The following STK32B variants were observed in gnomAD, a reference collection of about 807,000 sequenced individuals.
The protein encoded by STK32B is serine/threonine-protein kinase 32B.
STK32B carries 43 observed loss-of-function variants against 52.6 expected under a neutral mutation model. The ratio of observed to expected loss-of-function variants is 0.82; its 90% CI spans 0.64 to 1.05. The LOEUF (loss-of-function observed/expected upper bound fraction) is 1.05. Among genes scored for constraint, STK32B ranks in the 50% least tolerant of loss-of-function variants. The probability of loss-of-function intolerance (pLI) is 0.00; values close to 1 mark genes in which losing one functional copy is unlikely to be tolerated. For missense variants in STK32B, 621 were observed against 534.6 expected (o/e 1.16, Z -1.59); for synonymous variants, 238 against 204.3 (o/e 1.17, Z -1.41).
At position 5,398,119 on chromosome 4, in the gene STK32B, C is replaced by A; in HGVS notation, c.435-88C>A. The A allele has an allele frequency of 6.7e-7, 1 of 1,486,092 alleles. No individual in the cohort carries two copies. The highest frequency in any genetic ancestry group is 9.2e-7 in the Non-Finnish European group (1 of 1,082,038). 92.1% of individuals were successfully genotyped at this position (1,486,092 alleles called of 1,614,324 possible). A position where few individuals can be genotyped will look rare whatever the true frequency, so the allele number is the denominator to read the frequency against. ...GGGAGAGGTGAGCAGCCTGGGTGTT[C>A]CAGCATTTGTCCTGATGTGGTGCTT... On this transcript the variant is annotated intron_variant, in intron 4 of 11. Coordinates refer to ENST00000282908, the MANE Select transcript of STK32B (RefSeq NM_018401.3). The surrounding 1 kb of genome is among the most constrained non-coding windows in gnomAD (Gnocchi z 4.9).
chr4:5,432,806 C>T (rs1282356498), intron 6 of STK32B, among the ~76,000 whole-genome samples: 1 of 145,976 alleles, frequency 6.9e-6, no homozygotes, highest in African/African-American at 2.6e-5. Context: ...AACAATAATA[C>T]TAGATACCAT....
In STK32B at chr4:5,396,377, T is replaced by C. The variant is rs1347518448; in HGVS notation, c.435-1830T>C. ...CTTTCCTCCTATAAAGACATGAGTC[T>C]TTAGAGTCCTCCCTAAATCCAGGAT... On this transcript the variant is annotated intron_variant, in intron 4 of 11. Coordinates refer to ENST00000282908, the MANE Select transcript of STK32B (RefSeq NM_018401.3). The surrounding 1 kb of genome is among the most constrained non-coding windows in gnomAD (Gnocchi z 4.7). Among the ~76,000 whole-genome samples, 2 of 152,174 alleles carry C rather than the reference T, an allele frequency of 1.3e-5. No homozygotes were observed. The highest frequency in any genetic ancestry group is 4.8e-5 in the African/African-American group (2 of 41,436).
At chr4:5,190,885 C>G (rs776991315) in intron 3 of STK32B, among the ~76,000 whole-genome samples, 3 of 152,124 alleles carry the variant, frequency 2.0e-5, no homozygotes, top group Admixed American at 1.3e-4. Flanking sequence ...AAGTGATTGT[C>G]CAGGGCCACA....
intron 3 of STK32B, among the ~76,000 whole-genome samples, chr4:5,226,162 A>T (rs1027618498): frequency 1.3e-5 from 2 of 152,240 alleles, no homozygotes; most frequent in African/African-American, 4.8e-5. Flanking sequence ...TAAGCAAACC[A>T]AATCTTAAAT....
At chr4:5,123,006 C>T (rs992893521) in intron 1 of STK32B, among the ~76,000 whole-genome samples, 2 of 152,158 alleles carry the variant, frequency 1.3e-5, no homozygotes, top group Non-Finnish European at 2.9e-5. Flanking sequence ...GAGCCCAAAT[C>T]CCAGCTCCCT....
At chr4:5,403,573 T>A (rs1469052041) in intron 5 of STK32B, among the ~76,000 whole-genome samples, 2 of 152,218 alleles carry the variant, frequency 1.3e-5, no homozygotes, top group African/African-American at 4.8e-5. Flanking sequence ...TTTCTATTAA[T>A]ACACTGTATT....
chr4:5,464,984 G>C (rs1244368675), intron 9 of STK32B, among the ~76,000 whole-genome samples: 1 of 152,180 alleles, frequency 6.6e-6, no homozygotes, highest in Non-Finnish European at 1.5e-5. Flanking sequence ...ATCAGGGAAG[G>C]TGATCATAGT....
intron 3 of STK32B, among the ~76,000 whole-genome samples, chr4:5,314,976 G>C (rs1296517912): frequency 1.3e-5 from 2 of 152,026 alleles, no homozygotes; most frequent in South Asian, 2.1e-4. Context: ...TGATAAACTG[G>C]ACCTCATTAA....
intron 4 of STK32B, among the ~76,000 whole-genome samples, chr4:5,336,747 A>T (rs1261013021): frequency 6.6e-6 from 1 of 152,218 alleles, no homozygotes; most frequent in Non-Finnish European, 1.5e-5. Flanking sequence ...CAACACAAGA[A>T]ACAATAAAGA....
In STK32B at chr4:5,348,638, G is replaced by A. The variant is rs193160219; in HGVS notation, c.434+17245G>A. Among the ~76,000 whole-genome samples, 684 of 152,252 alleles carry A rather than the reference G, an allele frequency of 4.5e-3. 3 individuals are homozygous for A. The highest frequency in any genetic ancestry group is 0.016 in the African/African-American group (649 of 41,534). On this transcript the variant is annotated intron_variant, in intron 4 of 11. Transcript: ENST00000282908. ...AAGTTGCCTGATTACAGCTGCTGCC[G>A]CTAACAGCATCCCCACACTACTCAG...
chr4:5,019,468 T>A, the STK32B span: 5 of 1,441,292 alleles, frequency 3.5e-6, no homozygotes, highest in South Asian at 5.7e-5. Flanking sequence ...TGGTGCAGCC[T>A]CGCCGACCGC....
At chr4:5,230,817 A>G (rs921201766) in intron 3 of STK32B, among the ~76,000 whole-genome samples, 2 of 152,152 alleles carry the variant, frequency 1.3e-5, no homozygotes, top group African/African-American at 2.4e-5. Flanking sequence ...TCCACAGAAA[A>G]TTTTCCCAGA....
chr4:5,458,196 A>G (rs1394121585), intron 8 of STK32B, among the ~76,000 whole-genome samples: 1 of 151,852 alleles, frequency 6.6e-6, no homozygotes, highest in Admixed American at 6.6e-5. Flanking sequence ...TCTGGTGTGC[A>G]CTCCAGTCCG....
chr4:5,042,318 A>G, the STK32B span, among the ~76,000 whole-genome samples: 7 of 152,212 alleles, frequency 4.6e-5, no homozygotes, highest in Non-Finnish European at 7.3e-5. Context: ...CTCAGCACAT[A>G]TAAGTAGTTG....
intron 9 of STK32B, among the ~76,000 whole-genome samples, chr4:5,462,546 CCTTA>C (rs1041712475): frequency 1.2e-4 from 18 of 152,134 alleles, no homozygotes; most frequent in Non-Finnish European, 2.4e-4. Flanking sequence ...AAAGCACAGA[CCTTA>C]CTGTCACCAT....
At chr4:5,287,266 A>C (rs981337997) in intron 3 of STK32B, among the ~76,000 whole-genome samples, 50 of 151,962 alleles carry the variant, frequency 3.3e-4, no homozygotes, top group Non-Finnish European at 5.9e-5. Context: ...ATCTTCAGCA[A>C]CTCTTAATAT....
chr4:5,452,496 C>T (rs3774827), intron 7 of STK32B, among the ~76,000 whole-genome samples: 7,859 of 152,160 alleles, frequency 0.052, 358 homozygotes, highest in African/African-American at 0.12. Flanking sequence ...GTGAATTGTT[C>T]AGTGTTTTCA....
At chr4:5,034,339 G>A in the STK32B span, among the ~76,000 whole-genome samples, 2 of 152,186 alleles carry the variant, frequency 1.3e-5, no homozygotes, top group South Asian at 2.1e-4. Flanking sequence ...ATACGTGGGC[G>A]TCAAATGTTT....
Position 5,493,383 on chromosome 4 carries a change from T to C in STK32B, c.1107-5562T>C, listed in dbSNP as rs758623600. 6.6e-4 allele frequency among the ~76,000 whole-genome samples: 101 copies of C among 152,222 alleles called. 1 individual carries two copies. The highest frequency in any genetic ancestry group is 1.6e-3 in the Admixed American group (25 of 15,288). On this transcript the variant is annotated intron_variant, in intron 11 of 11. Transcript: ENST00000282908. The stretch of plus-strand genomic sequence containing the variant: ...TATTTGCGTAGAGGTGTTTGTAGTA[T>C]TCTCTGATGGTAGTTTGTATTTCTG...
Sources: gnomAD v4.1 joint callset for allele counts (sites outside exome capture counted in the v4.1 genomes callset) on GRCh38, gnomAD v4.1.1 for gene constraint, Gnocchi (gnomAD v3.1) non-coding constraint, MANE v1.5 for transcripts, NCBI Gene and HGNC (gene_info 2026-07-23, HGNC 2026-07-21) for gene names.